The following MDGA2 variants were observed in gnomAD, a reference collection of about 807,000 sequenced individuals.
MDGA2 encodes MAM domain-containing glycosylphosphatidylinositol anchor protein 2.
MDGA2 carries 40 observed loss-of-function variants against 117.8 expected under a neutral mutation model. The observed-to-expected ratio is 0.34, with a 90% CI of 0.26 to 0.44. The LOEUF is 0.44. Ranked by LOEUF, MDGA2 falls within the 20% of genes least tolerant of loss-of-function variation. MDGA2 has a pLI of 1.00. For missense variants in MDGA2, 1,123 were observed against 1,250.6 expected, an observed-to-expected ratio of 0.90 and a Z score of 1.54; for synonymous variants, 452 against 439.0, an observed-to-expected ratio of 1.03 and a Z score of -0.37.
chr14:47,063,952 AG>A (rs1316092134), intron 6 of MDGA2, among the ~76,000 whole-genome samples: 3 of 152,004 alleles, frequency 2.0e-5, no homozygotes, highest in Non-Finnish European at 4.4e-5. Flanking sequence ...AGTGATATTG[AG>A]AGAACTGCAA....
chr14:47,150,755 C>A (rs1883129234), intron 3 of MDGA2, among the ~76,000 whole-genome samples: 1 of 151,932 alleles, frequency 6.6e-6, no homozygotes, highest in Non-Finnish European at 1.5e-5. Context: ...GAAACCTTGT[C>A]TCTACTAAAA....
intron 5 of MDGA2, among the ~76,000 whole-genome samples, chr14:47,117,012 A>C (rs1378118536): frequency 6.6e-6 from 1 of 152,098 alleles, no homozygotes; most frequent in Non-Finnish European, 1.5e-5. Context: ...CATATATCCA[A>C]TTGAGATTTC....
At chr14:46,924,226 T>C (rs1884240427) in intron 9 of MDGA2, among the ~76,000 whole-genome samples, 1 of 152,012 alleles carries the variant, frequency 6.6e-6, no homozygotes, top group African/African-American at 2.4e-5. Flanking sequence ...TATAGATTTA[T>C]ATAGAAATAC....
intron 15 of MDGA2, among the ~76,000 whole-genome samples, chr14:46,848,998 T>C (rs1473167258): frequency 6.6e-6 from 1 of 152,078 alleles, no homozygotes; most frequent in African/African-American, 2.4e-5. Flanking sequence ...TATTTACATT[T>C]ACACTTACAA....
intron 8 of MDGA2, among the ~76,000 whole-genome samples, chr14:47,016,567 G>A (rs920540075): frequency 3.3e-5 from 5 of 151,762 alleles, no homozygotes; most frequent in South Asian, 2.1e-4. Context: ...ATGAATTTCC[G>A]TGACTCACTC....
chr14:47,664,473 C>T (rs1026259803), intron 1 of MDGA2, among the ~76,000 whole-genome samples: 2 of 152,204 alleles, frequency 1.3e-5, no homozygotes, highest in Non-Finnish European at 2.9e-5. Context: ...GTTTCTTATT[C>T]TTGCTAATAT....
chr14:46,895,942 T>C (rs1231336567), intron 10 of MDGA2, among the ~76,000 whole-genome samples: 1 of 152,160 alleles, frequency 6.6e-6, no homozygotes, highest in East Asian at 1.9e-4. Flanking sequence ...CTGTCCATAG[T>C]ACGTATTGCT....
chr14:46,965,084 C>T (rs951046540), intron 8 of MDGA2, among the ~76,000 whole-genome samples: 2 of 140,822 alleles, frequency 1.4e-5, no homozygotes, highest in Non-Finnish European at 3.0e-5. Flanking sequence ...CCACCACGCC[C>T]GGCTAATTTT....
intron 1 of MDGA2, among the ~76,000 whole-genome samples, chr14:47,383,146 T>C (rs1164613592): frequency 3.3e-5 from 5 of 152,038 alleles, no homozygotes; most frequent in African/African-American, 1.2e-4. Flanking sequence ...TAGGTGGGAA[T>C]TGAACAATGA....
rs33990961 is a variant in MDGA2, at chr14:47,247,632, T to TTTTTTATTATTA, written c.421-29438_421-29437insTAATAATAAAAA. ...TTCAGATGTTTAACATCAGTACATA[T>TTTTTTATTATTA]TTATTATTATTATTATTATTATTAT... On this transcript the variant is annotated intron_variant, in intron 2 of 16. Transcript: ENST00000399232. Among the ~76,000 whole-genome samples, 126 of 146,138 alleles carry TTTTTTATTATTA rather than the reference T, an allele frequency of 8.6e-4. 3 individuals are homozygous for TTTTTTATTATTA. The highest frequency in any genetic ancestry group is 2.4e-3 in the Admixed American group (36 of 14,710).
intron 1 of MDGA2, among the ~76,000 whole-genome samples, chr14:47,583,739 GA>G (rs2138845020): frequency 6.6e-6 from 1 of 151,908 alleles, no homozygotes; most frequent in South Asian, 2.1e-4. Flanking sequence ...GTCCCCAGAT[GA>G]TATGTGATTA....
chr14:47,273,708 A>T (rs1031297064), intron 2 of MDGA2, among the ~76,000 whole-genome samples: 1 of 152,148 alleles, frequency 6.6e-6, no homozygotes, highest in African/African-American at 2.4e-5. Context: ...TCCTGTCCAT[A>T]AAAACTTTGA....
intron 8 of MDGA2, among the ~76,000 whole-genome samples, chr14:47,007,940 C>G (rs1887767523): frequency 6.6e-6 from 1 of 151,770 alleles, no homozygotes; most frequent in South Asian, 2.1e-4. Flanking sequence ...AAAATGAGCA[C>G]AGAGTGTATC....
At chr14:47,642,659 A>G (rs1244869163) in intron 1 of MDGA2, among the ~76,000 whole-genome samples, 1 of 152,050 alleles carries the variant, frequency 6.6e-6, no homozygotes, top group Non-Finnish European at 1.5e-5. Flanking sequence ...GTATCTATCT[A>G]TCTATCTATT....
intron 2 of MDGA2, among the ~76,000 whole-genome samples, chr14:47,231,965 G>A (rs191638865): frequency 1.3e-5 from 2 of 152,122 alleles, no homozygotes; most frequent in African/African-American, 4.8e-5. Flanking sequence ...TGGGTTATGG[G>A]GGTAGATGGA....
At chr14:46,946,768 C>T (rs1161580738) in intron 9 of MDGA2, among the ~76,000 whole-genome samples, 2 of 151,998 alleles carry the variant, frequency 1.3e-5, no homozygotes, top group African/African-American at 4.8e-5. Context: ...TTCTCTTTTA[C>T]CCCTAAGTTC....
At chr14:47,177,949 A>G (rs939690370) in intron 3 of MDGA2, among the ~76,000 whole-genome samples, 10 of 152,140 alleles carry the variant, frequency 6.6e-5, no homozygotes, top group African/African-American at 2.4e-4. Flanking sequence ...AAATGCTTAG[A>G]GGATTAACTG....
At chr14:46,868,502 G>C (rs1033642221) in intron 14 of MDGA2, among the ~76,000 whole-genome samples, 1 of 151,776 alleles carries the variant, frequency 6.6e-6, no homozygotes, top group Non-Finnish European at 1.5e-5. Context: ...AGTATGACTG[G>C]AACAGACTAT....
intron 3 of MDGA2, among the ~76,000 whole-genome samples, chr14:47,211,487 T>C (rs142767808): frequency 1.2e-3 from 186 of 152,234 alleles, no homozygotes; most frequent in African/African-American, 4.0e-3. Flanking sequence ...AGGCACACCA[T>C]TGGTTTTTGA....
Sources: gnomAD v4.1 joint callset for allele counts (sites outside exome capture counted in the v4.1 genomes callset) on GRCh38, gnomAD v4.1.1 for gene constraint, MANE v1.5 for transcripts, NCBI Gene and HGNC (gene_info 2026-07-23, HGNC 2026-07-21) for gene names.